The following COL23A1 variants were observed in gnomAD, a reference collection of about 807,000 sequenced individuals.
COL23A1 encodes collagen type XXIII alpha 1 chain.
A neutral mutation model predicts 99.3 loss-of-function variants in COL23A1; 97 were observed. The ratio of observed to expected loss-of-function variants is 0.98; its 90% CI spans 0.83 to 1.16. The LOEUF is 1.16. COL23A1 is among the 50% of genes most tolerant of loss of function. The pLI is 0.00. For missense variants in COL23A1, 762 were observed against 757.4 expected, an observed-to-expected ratio of 1.01 and a Z score of -0.07; for synonymous variants, 320 against 308.2, an observed-to-expected ratio of 1.04 and a Z score of -0.40.
In COL23A1 at chr5:178,387,819, C is replaced by G. The variant is rs2910126; in HGVS notation, c.362-80900G>C. ...CGGAGTTTCCCACTCCTCTGTCCCCCAGCTTTTATACTCAGGAAGGAAGAG... is the reference window on the plus strand; with the variant it reads ...CGGAGTTTCCCACTCCTCTGTCCCCGAGCTTTTATACTCAGGAAGGAAGAG... On this transcript the variant is annotated intron_variant, in intron 2 of 28. Transcript: ENST00000390654. This position sits in a 1 kb window ranked among gnomAD's most constrained non-coding sequence, Gnocchi z 4.7. Among the ~76,000 whole-genome samples, 1,971 of 152,286 alleles carry G rather than the reference C, an allele frequency of 0.013. 31 individuals carry two copies. Among genetic ancestry groups the G allele is most frequent in the African/African-American group, 0.043 (1,778 of 41,544 alleles).
chr5:178,401,472 T>C (rs945315300), intron 2 of COL23A1, among the ~76,000 whole-genome samples: 4 of 151,676 alleles, frequency 2.6e-5, no homozygotes, highest in Non-Finnish European at 5.9e-5. Context: ...GATCCACCCA[T>C]GTGGTGTGTG....
intron 5 of COL23A1, among the ~76,000 whole-genome samples, chr5:178,275,363 G>A (rs1756525916): frequency 6.6e-6 from 1 of 152,214 alleles, no homozygotes; most frequent in Non-Finnish European, 1.5e-5. Context: ...ACCCTGGACG[G>A]TGCCGCCAGC....
At chr5:178,290,397 G>A (rs1384890654) in intron 3 of COL23A1, 28 bp from the exon 4 acceptor site, 1 of 1,612,416 alleles carries the variant, frequency 6.2e-7, no homozygotes, top group South Asian at 1.1e-5. Context: ...AGAAGCCACA[G>A]TCAGTGTGGA....
chr5:178,487,120 G>C (rs1757672791), intron 2 of COL23A1, among the ~76,000 whole-genome samples: 1 of 141,382 alleles, frequency 7.1e-6, no homozygotes. Flanking sequence ...CCAGGTCCAA[G>C]TCCCAGTTGA....
At chr5:178,266,560 C>T (rs1348224130) in intron 8 of COL23A1, among the ~76,000 whole-genome samples, 7 of 152,140 alleles carry the variant, frequency 4.6e-5, no homozygotes, top group African/African-American at 1.4e-4. Context: ...ATCAGCTCCA[C>T]ACACCCACCA....
At chr5:178,558,074 C>T (rs1762375412) in intron 2 of COL23A1, among the ~76,000 whole-genome samples, 1 of 151,468 alleles carries the variant, frequency 6.6e-6, no homozygotes. Flanking sequence ...GGGAGTCTAC[C>T]AAGCCTTCCT....
chr5:178,424,375 A>T, intron 2 of COL23A1, among the ~76,000 whole-genome samples: 1 of 152,258 alleles, frequency 6.6e-6, no homozygotes, highest in Non-Finnish European at 1.5e-5. Context: ...TAGGGCAAGC[A>T]CTGTGCTCTG....
intron 2 of COL23A1, among the ~76,000 whole-genome samples, chr5:178,378,978 C>A (rs1763228198): frequency 6.6e-6 from 1 of 152,054 alleles, no homozygotes; most frequent in African/African-American, 2.4e-5. Flanking sequence ...GGAGGCAAGC[C>A]AGATTGATGT....
intron 2 of COL23A1, among the ~76,000 whole-genome samples, chr5:178,398,144 G>C (rs1302020038): frequency 6.6e-6 from 1 of 152,180 alleles, no homozygotes; most frequent in African/African-American, 2.4e-5. Flanking sequence ...CATGTCAAAA[G>C]AGAGCAACTT....
chr5:178,523,408 C>T (rs1760123897), intron 2 of COL23A1: 1 of 85,258 alleles, frequency 1.2e-5, no homozygotes, highest in Non-Finnish European at 2.2e-5. Context: ...GCCTGGGCAA[C>T]AAGAACGAAA....
At chr5:178,354,377 T>A (rs1455512521) in intron 2 of COL23A1, among the ~76,000 whole-genome samples, 1 of 152,096 alleles carries the variant, frequency 6.6e-6, no homozygotes, top group Non-Finnish European at 1.5e-5. Flanking sequence ...CCCTGCTAAT[T>A]TTTTTTACTT....
chr5:178,477,889 T>C (rs1338691132), intron 2 of COL23A1, among the ~76,000 whole-genome samples: 2 of 152,180 alleles, frequency 1.3e-5, no homozygotes, highest in African/African-American at 4.8e-5. Context: ...GTAGGAGTGA[T>C]TGACCCCATT....
chr5:178,381,616 CCA>C (rs1195363756), intron 2 of COL23A1, among the ~76,000 whole-genome samples: 1 of 152,254 alleles, frequency 6.6e-6, no homozygotes, highest in Non-Finnish European at 1.5e-5. Flanking sequence ...CCAGGCCTAG[CCA>C]CACAGAGGGT....
At chr5:178,283,017 T>G (rs1048839898) in intron 5 of COL23A1, among the ~76,000 whole-genome samples, 8 of 152,084 alleles carry the variant, frequency 5.3e-5, no homozygotes, top group African/African-American at 1.9e-4. Context: ...ACTACAGGCA[T>G]GTACCACCAC....
intron 2 of COL23A1, among the ~76,000 whole-genome samples, chr5:178,452,010 T>C (rs972358904): frequency 6.6e-6 from 1 of 152,156 alleles, no homozygotes; most frequent in Non-Finnish European, 1.5e-5. Flanking sequence ...AAACTTATTC[T>C]AAAGTTCATA....
chr5:178,508,012 T>C (rs1423923970), intron 2 of COL23A1, among the ~76,000 whole-genome samples: 4 of 85,790 alleles, frequency 4.7e-5, no homozygotes, highest in Admixed American at 3.0e-4. Flanking sequence ...TCTCTTTTTA[T>C]TTTTTCTTCT....
At chr5:178,423,123 C>T (rs72822892) in intron 2 of COL23A1, among the ~76,000 whole-genome samples, 2,499 of 152,078 alleles carry the variant, frequency 0.016, 34 homozygotes, top group Middle Eastern at 0.075. Flanking sequence ...CACATCACCA[C>T]GCCTGACTAA....
At chr5:178,370,838 A>G (rs948582016) in intron 2 of COL23A1, among the ~76,000 whole-genome samples, 5 of 152,228 alleles carry the variant, frequency 3.3e-5, no homozygotes, top group African/African-American at 1.2e-4. Flanking sequence ...GCTACTCAAG[A>G]GGCTGAGGCA....
intron 2 of COL23A1, among the ~76,000 whole-genome samples, chr5:178,557,111 C>G (rs79624147): frequency 0.015 from 2,275 of 152,330 alleles, 58 homozygotes; most frequent in African/African-American, 0.052. Flanking sequence ...TCCCACACCC[C>G]TCCATAGCTC....
Sources: gnomAD v4.1 joint callset for allele counts (sites outside exome capture counted in the v4.1 genomes callset) on GRCh38, gnomAD v4.1.1 for gene constraint, Gnocchi (gnomAD v3.1) non-coding constraint, MANE v1.5 for transcripts, NCBI Gene and HGNC (gene_info 2026-07-23, HGNC 2026-07-21) for gene names.